The following FBXW4 variants were observed in gnomAD, a reference collection of about 807,000 sequenced individuals.
The protein encoded by FBXW4 is F-box and WD repeat domain containing 4, also known as F-box/WD repeat-containing protein 4.
Under a neutral mutation model 61.8 loss-of-function variants are expected in FBXW4, and 40 were observed. The ratio of observed to expected loss-of-function variants is 0.65; its 90% CI spans 0.50 to 0.84. The LOEUF is 0.84. FBXW4 is among the 40% of genes least tolerant of loss of function. FBXW4 has a pLI of 0.00. For synonymous variants in FBXW4, 311 were observed against 313.8 expected (o/e 0.99, Z 0.10); for missense variants, 672 against 753.8 (o/e 0.89, Z 1.27).
intron 6 of FBXW4, among the ~76,000 whole-genome samples, chr10:101,616,168 GGAGA>G (rs373068345): frequency 4.0e-5 from 6 of 151,886 alleles, no homozygotes; most frequent in Admixed American, 1.3e-4. Context: ...AATGGCTTTT[GGAGA>G]GAGAGAGAGG....
chr10:101,684,105 A>G (rs1347991007), intron 1 of FBXW4, among the ~76,000 whole-genome samples: 2 of 152,130 alleles, frequency 1.3e-5, no homozygotes, highest in African/African-American at 4.8e-5. Context: ...CTGGGATTAC[A>G]GGCACATGCC....
chr10:101,692,233 G>C (rs1417462045), intron 1 of FBXW4, among the ~76,000 whole-genome samples: 1 of 151,630 alleles, frequency 6.6e-6, no homozygotes, highest in Non-Finnish European at 1.5e-5. Flanking sequence ...AACTGTATCA[G>C]TGACACACAA....
intron 1 of FBXW4, among the ~76,000 whole-genome samples, chr10:101,681,499 C>T (rs1010777136): frequency 6.6e-6 from 1 of 150,754 alleles, no homozygotes; most frequent in Non-Finnish European, 1.5e-5. Flanking sequence ...AGGCGGATCA[C>T]GAGGTCAGGA....
At chr10:101,637,972 T>G (rs2064019141) in intron 5 of FBXW4, among the ~76,000 whole-genome samples, 1 of 152,050 alleles carries the variant, frequency 6.6e-6, no homozygotes, top group Admixed American at 6.5e-5. Context: ...CCAGTACTGA[T>G]AAGAGGAAAT....
At chr10:101,635,247 C>T (rs2063991102) in intron 5 of FBXW4, among the ~76,000 whole-genome samples, 1 of 148,968 alleles carries the variant, frequency 6.7e-6, no homozygotes. Context: ...TGTCTCTCAT[C>T]ACCCCCAGAT....
chr10:101,656,896 C>A (rs1208349046), intron 5 of FBXW4, among the ~76,000 whole-genome samples: 1 of 152,150 alleles, frequency 6.6e-6, no homozygotes, highest in African/African-American at 2.4e-5. Flanking sequence ...TTATCACATC[C>A]CAACTGGCAC....
intron 5 of FBXW4, among the ~76,000 whole-genome samples, chr10:101,638,121 T>C (rs938425392): frequency 6.6e-6 from 1 of 152,188 alleles, no homozygotes; most frequent in Non-Finnish European, 1.5e-5. Context: ...CCTGGAAAGA[T>C]ACCTGACCAT....
chr10:101,689,789 G>A (rs946146586), intron 1 of FBXW4, among the ~76,000 whole-genome samples: 2 of 152,136 alleles, frequency 1.3e-5, no homozygotes, highest in Non-Finnish European at 2.9e-5. Context: ...GCTTATCTGT[G>A]TCTATCTCAC....
At chr10:101,691,184 T>C (rs1033604717) in intron 1 of FBXW4, among the ~76,000 whole-genome samples, 7 of 152,146 alleles carry the variant, frequency 4.6e-5, no homozygotes, top group Non-Finnish European at 1.0e-4. Context: ...GCCCTGCCAC[T>C]ATCCAAGCAG....
chr10:101,636,046 C>T (rs1200370146), intron 5 of FBXW4, among the ~76,000 whole-genome samples: 1 of 151,938 alleles, frequency 6.6e-6, no homozygotes, highest in East Asian at 1.9e-4. Context: ...AATGTTAAGC[C>T]TCTAGTAAGA....
chr10:101,686,767 A>G (rs1397920222), intron 1 of FBXW4, among the ~76,000 whole-genome samples: 2 of 152,188 alleles, frequency 1.3e-5, no homozygotes, highest in Non-Finnish European at 2.9e-5. Context: ...GAATGAAGGG[A>G]TGAGGAGAAT....
intron 3 of FBXW4, 94 bp downstream of exon 3, chr10:101,673,394 C>A: frequency 7.1e-7 from 1 of 1,399,450 alleles, no homozygotes; most frequent in Non-Finnish European, 1.0e-6. Context: ...CCCTCCTCAT[C>A]CCTTTGGAGT....
intron 6 of FBXW4, 101 bp downstream of exon 6, chr10:101,624,644 C>G: frequency 1.5e-6 from 2 of 1,297,972 alleles, no homozygotes; most frequent in South Asian, 1.2e-5. Context: ...CACTTCCCAG[C>G]CTTCTCCTGG....
chr10:101,692,746 CAAAA>C (rs61631625), intron 1 of FBXW4, among the ~76,000 whole-genome samples: 7 of 85,246 alleles, frequency 8.2e-5, no homozygotes, highest in Non-Finnish European at 1.5e-4. Context: ...AACTCCGTCT[CAAAA>C]AAAAAAAAAA....
At chr10:101,666,272 T>TGG (rs1334165284) in intron 5 of FBXW4, among the ~76,000 whole-genome samples, 1 of 152,208 alleles carries the variant, frequency 6.6e-6, no homozygotes, top group Admixed American at 6.5e-5. Context: ...ACCTCTGCTC[T>TGG]GTGGAATTTT....
chr10:101,690,755 C>T (rs1229949787), intron 1 of FBXW4, among the ~76,000 whole-genome samples: 1 of 152,176 alleles, frequency 6.6e-6, no homozygotes. Flanking sequence ...TCCCGGAGTG[C>T]AGGCCATAAG....
chr10:101,639,167 C>A (rs1224745698), intron 5 of FBXW4, among the ~76,000 whole-genome samples: 1 of 152,232 alleles, frequency 6.6e-6, no homozygotes, highest in Admixed American at 6.5e-5. Context: ...CCTGTGCCAT[C>A]CCAGGACTTG....
chr10:101,652,850 A>G (rs2064155842), intron 5 of FBXW4, among the ~76,000 whole-genome samples: 1 of 152,168 alleles, frequency 6.6e-6, no homozygotes, highest in Non-Finnish European at 1.5e-5. Flanking sequence ...ACTCTTCTCC[A>G]GGCTCCTAGT....
intron 5 of FBXW4, among the ~76,000 whole-genome samples, chr10:101,664,934 T>C (rs933114425): frequency 6.6e-6 from 1 of 152,192 alleles, no homozygotes; most frequent in East Asian, 1.9e-4. Flanking sequence ...GTAAAGGAAA[T>C]AGTATTCATA....
Sources: allele counts gnomAD v4.1 joint callset (sites outside exome capture counted in the v4.1 genomes callset), GRCh38; gene constraint gnomAD v4.1.1; transcripts MANE v1.5; gene names NCBI Gene and HGNC (gene_info 2026-07-23, HGNC 2026-07-21).